Variants in WARS1 observed in about 807,000 individuals in gnomAD.
The protein encoded by WARS1 is tryptophanyl-tRNA synthetase 1.
In WARS1, 17 loss-of-function variants were observed where a neutral mutation model predicts 47.8. The observed-to-expected ratio is 0.36, with a 90% confidence interval of 0.24 to 0.53. The LOEUF is 0.53. Among genes scored for constraint, WARS1 ranks in the 20% least tolerant of loss-of-function variants. The pLI, the probability that WARS1 is intolerant of heterozygous loss-of-function variation, is 0.91. For missense variants in WARS1, 434 were observed against 608.0 expected (o/e 0.71, Z 3.01); for synonymous variants, 208 against 228.1 (o/e 0.91, Z 0.79).
chr14:100,343,892 C>T (rs1253898425), intron 7 of WARS1, among the ~76,000 whole-genome samples: 1 of 152,146 alleles, frequency 6.6e-6, no homozygotes, highest in Non-Finnish European at 1.5e-5. Flanking sequence ...CTCGGCCTCC[C>T]AAAGTGCTGG....
At chr14:100,341,198 G>A (rs759215728) in intron 9 of WARS1, among the ~76,000 whole-genome samples, 2 of 152,164 alleles carry the variant, frequency 1.3e-5, no homozygotes, top group Non-Finnish European at 2.9e-5. Flanking sequence ...TTATAGGTGT[G>A]AGCTATCGCA....
At position 100,336,166 on chromosome 14, in the gene WARS1, C is replaced by T. The variant is rs934185310; in HGVS notation, c.1254+896G>A. Among the ~76,000 whole-genome samples, 58 of 149,920 alleles carry T rather than the reference C, an allele frequency of 3.9e-4. 1 individual carries two copies. The highest frequency in any genetic ancestry group is 1.1e-3 in the African/African-American group (46 of 40,824). ...TGGCGGGTGCCTGTAGTCCCAGCTA[C>T]TCGGGAGGCTGAGGCAGGAGAATGG... On this transcript the variant is annotated intron_variant, in intron 10 of 10. Coordinates refer to ENST00000392882, the MANE Select transcript of WARS1 (RefSeq NM_004184.4).
chr14:100,334,873 T>C lies in WARS1; in HGVS notation c.*2A>G, dbSNP rs1362541302. 1 of 1,613,544 alleles carries C rather than the reference T, an allele frequency of 6.2e-7. No individual in the cohort carries two copies. Among genetic ancestry groups the C allele is most frequent in the Non-Finnish European group, 8.5e-7 (1 of 1,179,694 alleles). ...CTTTTATAAGCATATGTAAAACGAG[T>C]GCTACTGAAAGTCGAAGGACAGCTT... On this transcript the variant is annotated 3_prime_UTR_variant, in exon 11 of 11. Coordinates refer to ENST00000392882, the MANE Select transcript of WARS1 (RefSeq NM_004184.4).
At chr14:100,366,075 C>T (rs755903906) in intron 2 of WARS1, 15 of 455,992 alleles carry the variant, frequency 3.3e-5, no homozygotes, top group South Asian at 2.3e-4. Flanking sequence ...CCCCTCCATT[C>T]CAAGGTTTCA....
At chr14:100,337,296 G>A in intron 9 of WARS1, 94 bp from the exon 10 acceptor site, 1 of 1,550,968 alleles carries the variant, frequency 6.4e-7, no homozygotes, top group Non-Finnish European at 8.8e-7. Context: ...TCAGAGGTGT[G>A]AGTGCTGTCA....
chr14:100,345,880 T>G (rs1302997954), intron 7 of WARS1, among the ~76,000 whole-genome samples: 10 of 152,204 alleles, frequency 6.6e-5, no homozygotes, highest in Admixed American at 6.5e-4. Context: ...GCGCAGAGGT[T>G]TCCGGGCCCT....
chr14:100,353,896 G>A, intron 5 of WARS1, 27 bp from the exon 6 acceptor site: 16 of 1,605,642 alleles, frequency 1.0e-5, no homozygotes, highest in Non-Finnish European at 1.4e-5. Flanking sequence ...GGAGAAAGCT[G>A]ACGTCTCATC....
intron 6 of WARS1, among the ~76,000 whole-genome samples, chr14:100,349,532 C>T (rs903035012): frequency 6.6e-6 from 1 of 152,234 alleles, no homozygotes; most frequent in African/African-American, 2.4e-5. Context: ...CAGCGGACGG[C>T]CGTCAAGCAG....
At chr14:100,372,922 CTGAT>C (rs1249084620) in intron 1 of WARS1, among the ~76,000 whole-genome samples, 2 of 152,188 alleles carry the variant, frequency 1.3e-5, no homozygotes, top group African/African-American at 2.4e-5. Flanking sequence ...CTGAACTCTG[CTGAT>C]TGATTATCTT....
Position 100,357,363 on chromosome 14 carries a change from T to C in WARS1, c.423-2797A>G, listed in dbSNP as rs569654623. Among the ~76,000 whole-genome samples, 3 of 152,282 alleles carry C rather than the reference T, an allele frequency of 2.0e-5. No homozygotes were observed. The South Asian group carries it at 6.2e-4, about 32-fold the overall frequency. On this transcript the variant is annotated intron_variant, in intron 4 of 10. Transcript: ENST00000392882. The stretch of plus-strand genomic sequence containing the variant: ...TAATCATAGGAGATACAATCCTATA[T>C]GTAGGAAATCCTATCGAATCTGCAA...
chr14:100,336,050 T>C (rs1358168711), intron 10 of WARS1, among the ~76,000 whole-genome samples: 1 of 150,248 alleles, frequency 6.7e-6, no homozygotes, highest in Non-Finnish European at 1.5e-5. Context: ...CCAAGGCGGG[T>C]GGATCACGAG....
At chr14:100,363,372 G>C (rs1895769213) in intron 2 of WARS1, among the ~76,000 whole-genome samples, 1 of 152,116 alleles carries the variant, frequency 6.6e-6, no homozygotes, top group South Asian at 2.1e-4. Flanking sequence ...CTTAATCAGT[G>C]TCTGAACCAG....
Position 100,353,864 on chromosome 14 carries a change from A to G in WARS1, c.548T>C (p.Leu183Pro). Reference sequence around the variant, plus strand: ...CAAGGGCACGTTAAATACATCCTGGAGCCACCTAAAGAAACACAGGGGGAG... The same window carrying G: ...CAAGGGCACGTTAAATACATCCTGGGGCCACCTAAAGAAACACAGGGGGAG... Reference protein sequence around the residue: ...HLIPFIFTKWLQDVFNVPLVI... With the variant: ...HLIPFIFTKWPQDVFNVPLVI... Residue 183 changes from leucine to proline, a missense_variant, in exon 6 of 11, where the codon CTC becomes CCC. Leu to Pro is a moderately conservative substitution (Grantham distance 98, BLOSUM62 -3). Transcript: ENST00000392882. 6.2e-7 allele frequency: 1 copy of G among 1,613,232 alleles called. No homozygotes were observed. Among genetic ancestry groups the G allele is most frequent in the Non-Finnish European group, 8.5e-7 (1 of 1,179,642 alleles).
chr14:100,345,330 A>T (rs1894525648), intron 7 of WARS1, among the ~76,000 whole-genome samples: 1 of 152,186 alleles, frequency 6.6e-6, no homozygotes, highest in African/African-American at 2.4e-5. Context: ...TGTACTAAGA[A>T]AAATTCTTAT....
At chr14:100,343,234 A>G (rs1051312816) in intron 8 of WARS1, 41 bp downstream of exon 8, 1 of 1,535,918 alleles carries the variant, frequency 6.5e-7, no homozygotes, top group Non-Finnish European at 8.9e-7. Context: ...CCTGCTGTCA[A>G]TGCCCCAGAC....
intron 2 of WARS1, chr14:100,366,780 G>GAT: frequency 8.7e-7 from 1 of 1,144,992 alleles, no homozygotes; most frequent in South Asian, 1.2e-5. Context: ...GAAGCTTGAA[G>GAT]ATACATGGGT....
At chr14:100,363,828 T>A (rs569529071) in intron 2 of WARS1, among the ~76,000 whole-genome samples, 2 of 152,150 alleles carry the variant, frequency 1.3e-5, no homozygotes, top group African/African-American at 4.8e-5. Flanking sequence ...GGTCTCACTA[T>A]ATTATCCAGG....
chr14:100,354,380 C>T (rs1052094414), intron 5 of WARS1, 67 bp downstream of exon 5: 4 of 1,572,150 alleles, frequency 2.5e-6, no homozygotes, highest in Non-Finnish European at 3.4e-6. Flanking sequence ...CAGTTCTAAA[C>T]ATGGTTTATA....
rs1893569754 is a variant in WARS1 at position 100,334,412 on chromosome 14, A to G, written c.*463T>C. The G allele has an allele frequency of 6.6e-6, 1 of 152,526 alleles. No homozygotes were observed. The highest frequency in any genetic ancestry group is 1.5e-5 in the Non-Finnish European group (1 of 68,184). The allele number at this position is 152,526 out of a possible 1,614,324, so 9.4% of individuals were successfully genotyped here. On this transcript the variant is annotated 3_prime_UTR_variant, in exon 11 of 11. Coordinates refer to ENST00000392882, the MANE Select transcript of WARS1 (RefSeq NM_004184.4). Reference sequence around the variant, plus strand: ...GGCTGAAATACATCTTGTGCTCAATAAACCTCCCCACATCAATATTTCAAA... The same window carrying G: ...GGCTGAAATACATCTTGTGCTCAATGAACCTCCCCACATCAATATTTCAAA...
Sources: allele counts gnomAD v4.1 joint callset (sites outside exome capture counted in the v4.1 genomes callset), GRCh38; gene constraint gnomAD v4.1.1; transcripts MANE v1.5; gene names NCBI Gene and HGNC (gene_info 2026-07-23, HGNC 2026-07-21).